The following LCORL variants were observed in gnomAD, a reference collection of about 807,000 sequenced individuals.
The protein encoded by LCORL is ligand dependent nuclear receptor corepressor like.
Under a neutral mutation model 141.8 loss-of-function variants are expected in LCORL, and 41 were observed. The observed-to-expected ratio is 0.29, with a 90% CI of 0.23 to 0.38. The LOEUF is 0.38. Ranked by LOEUF, LCORL falls within the 10% of genes least tolerant of loss-of-function variation. The pLI is 1.00. For synonymous variants in LCORL, 618 were observed against 694.1 expected, an observed-to-expected ratio of 0.89 and a Z score of 1.72; for missense variants, 1,759 against 2,035.0, an observed-to-expected ratio of 0.86 and a Z score of 2.61.
At chr4:18,001,889 T>G (rs1019150291) in intron 1 of LCORL, among the ~76,000 whole-genome samples, 1 of 152,204 alleles carries the variant, frequency 6.6e-6, no homozygotes, top group Admixed American at 6.5e-5. Flanking sequence ...TACTTGTTAC[T>G]AACTACAAAT....
chr4:18,012,001 C>T (rs566436581), intron 1 of LCORL, among the ~76,000 whole-genome samples: 1 of 152,224 alleles, frequency 6.6e-6, no homozygotes, highest in African/African-American at 2.4e-5. Flanking sequence ...GTAAATCCTA[C>T]TCCTGTGTAA....
intron 5 of LCORL, chr4:17,893,402 A>G: frequency 1.0e-6 from 1 of 977,280 alleles, no homozygotes; most frequent in Non-Finnish European, 1.2e-6. Context: ...ATGATTCTGC[A>G]GAAAAATACT....
chr4:17,970,295 T>A (rs1178035508), intron 2 of LCORL, among the ~76,000 whole-genome samples: 2 of 152,168 alleles, frequency 1.3e-5, no homozygotes. Flanking sequence ...TTCAGATATA[T>A]CTACAAAAAT....
At chr4:17,951,743 C>T (rs377709292) in intron 4 of LCORL, among the ~76,000 whole-genome samples, 214 of 152,296 alleles carry the variant, frequency 1.4e-3, no homozygotes, top group African/African-American at 4.8e-3. Context: ...TAAAGGTCCA[C>T]GAAGACAGGG....
At chr4:17,968,325 G>A (rs1459094319) in intron 2 of LCORL, among the ~76,000 whole-genome samples, 2 of 152,090 alleles carry the variant, frequency 1.3e-5, no homozygotes, top group Non-Finnish European at 2.9e-5. Flanking sequence ...GGCTTTAATT[G>A]TATAATATAA....
At chr4:17,937,539 C>A (rs1018978612) in intron 4 of LCORL, among the ~76,000 whole-genome samples, 6 of 152,156 alleles carry the variant, frequency 3.9e-5, no homozygotes, top group Non-Finnish European at 7.3e-5. Flanking sequence ...TTTCATTCTT[C>A]CCTTACCGAA....
exon 7 of LCORL, chr4:17,875,720 T>A: frequency 8.1e-7 from 1 of 1,231,340 alleles, no homozygotes; most frequent in Non-Finnish European, 1.0e-6. Flanking sequence ...GCTTAATCTG[T>A]TTCACAACTT....
At chr4:17,988,940 C>T (rs189458666) in intron 1 of LCORL, among the ~76,000 whole-genome samples, 25 of 152,282 alleles carry the variant, frequency 1.6e-4, no homozygotes, top group Non-Finnish European at 2.5e-4. Context: ...GCCGAGATCA[C>T]GCCACTGCAC....
intron 4 of LCORL, among the ~76,000 whole-genome samples, chr4:17,951,563 T>C (rs532385667): frequency 6.6e-6 from 1 of 152,326 alleles, no homozygotes; most frequent in East Asian, 1.9e-4. Flanking sequence ...TTACCACTTA[T>C]AAAAATGTAA....
At chr4:17,955,724 T>G (rs1577538021) in intron 4 of LCORL, among the ~76,000 whole-genome samples, 1 of 151,894 alleles carries the variant, frequency 6.6e-6, no homozygotes, top group East Asian at 1.9e-4. Flanking sequence ...TATTCTAGAG[T>G]AAGTGTGTAG....
intron 4 of LCORL, among the ~76,000 whole-genome samples, chr4:17,959,444 T>G (rs1245247165): frequency 6.6e-6 from 1 of 152,014 alleles, no homozygotes; most frequent in Non-Finnish European, 1.5e-5. Flanking sequence ...TTTTCTGAGC[T>G]TCACAGTTCC....
intron 1 of LCORL, among the ~76,000 whole-genome samples, chr4:17,989,324 A>G (rs888895841): frequency 4.6e-5 from 7 of 152,234 alleles, no homozygotes; most frequent in African/African-American, 1.7e-4. Context: ...TGTAGATATC[A>G]TATCTTTATC....
chr4:17,912,156 G>T, intron 4 of LCORL: 1 of 1,011,574 alleles, frequency 9.9e-7, no homozygotes, highest in South Asian at 1.3e-5. Flanking sequence ...TTGTTCTGCA[G>T]ATCGACAATG....
chr4:17,895,609 G>A (rs918892423), intron 5 of LCORL, among the ~76,000 whole-genome samples: 1 of 152,124 alleles, frequency 6.6e-6, no homozygotes, highest in African/African-American at 2.4e-5. Flanking sequence ...CAATTCAGCA[G>A]TTTTCTCTGT....
At chr4:17,929,435 G>A (rs950344398) in intron 4 of LCORL, among the ~76,000 whole-genome samples, 28 of 152,070 alleles carry the variant, frequency 1.8e-4, no homozygotes, top group African/African-American at 6.8e-4. Context: ...TAGAACAATG[G>A]AAAAGAATCG....
chr4:18,000,602 T>G (rs761121152), intron 1 of LCORL, among the ~76,000 whole-genome samples: 8 of 143,250 alleles, frequency 5.6e-5, no homozygotes, highest in Non-Finnish European at 1.1e-4. Context: ...GTGAACGAAC[T>G]ATATCTACAG....
At position 17,884,478 on chromosome 4, in the gene LCORL, A is replaced by C. The variant is rs981176636; in HGVS notation, c.776+1590T>G. 6.5e-7 allele frequency: 1 copy of C among 1,548,890 alleles called. No homozygotes were observed. The highest frequency in any genetic ancestry group is 1.4e-5 in the African/African-American group (1 of 72,650). ...CGCTCTGCTTGAGCTCTTGCCCACAAGGCTACTTTTTGCAGCACTGCACAA... is the reference window on the plus strand; with the variant it reads ...CGCTCTGCTTGAGCTCTTGCCCACACGGCTACTTTTTGCAGCACTGCACAA... On this transcript the variant is annotated intron_variant, in intron 6 of 7. Coordinates refer to ENST00000635767, the Ensembl canonical transcript of LCORL. The surrounding 1 kb of genome is among the most constrained non-coding windows in gnomAD (Gnocchi z 4.4).
chr4:17,893,679 A>C (rs1729456108), intron 5 of LCORL: 1 of 712,770 alleles, frequency 1.4e-6, no homozygotes, highest in South Asian at 6.3e-5. Flanking sequence ...CTAATGCATA[A>C]TTTGCATTGA....
exon 7 of LCORL, chr4:17,875,032 G>C: frequency 8.1e-7 from 1 of 1,233,506 alleles, no homozygotes. Flanking sequence ...GCAATCATAC[G>C]TTTTGATCCA....
Sources: gnomAD v4.1 joint callset for allele counts (sites outside exome capture counted in the v4.1 genomes callset) on GRCh38, gnomAD v4.1.1 for gene constraint, Gnocchi (gnomAD v3.1) non-coding constraint, MANE v1.5 for transcripts, NCBI Gene and HGNC (gene_info 2026-07-23, HGNC 2026-07-21) for gene names.